Variants in ADGRG1 observed in about 807,000 individuals in gnomAD.
ADGRG1 encodes adhesion G protein-coupled receptor G1, also known as 7-transmembrane protein with no EGF-like N-terminal domains-1.
In ADGRG1, 53 loss-of-function variants were observed where a neutral mutation model predicts 73.5. The observed-to-expected ratio is 0.72, with a 90% CI of 0.58 to 0.91. The LOEUF (loss-of-function observed/expected upper bound fraction) is 0.91, where lower values mean the gene tolerates loss of function less well. ADGRG1 is among the 40% of genes least tolerant of loss of function. The probability of loss-of-function intolerance (pLI) is 0.00; values close to 1 mark genes in which losing one functional copy is unlikely to be tolerated. For synonymous variants in ADGRG1, 394 were observed against 374.4 expected (o/e 1.05, Z -0.60); for missense variants, 795 against 871.8 (o/e 0.91, Z 1.11).
intron 12 of ADGRG1, 148 bp downstream of exon 12, chr16:57,661,024 C>G (rs1332788150): frequency 4.2e-6 from 3 of 709,766 alleles, no homozygotes; most frequent in Non-Finnish European, 7.7e-6. Flanking sequence ...AAGCACTGGT[C>G]TAAGAGTCAT....
upstream of ADGRG1, chr16:57,627,699 A>G (rs956297443): frequency 1.4e-6 from 1 of 697,674 alleles, no homozygotes; most frequent in African/African-American, 2.0e-5. Flanking sequence ...CTCCCAGCAC[A>G]TCTGACTGAG....
intron 11 of ADGRG1, 106 bp downstream of exon 11, chr16:57,659,787 C>G: frequency 8.2e-7 from 1 of 1,219,086 alleles, no homozygotes; most frequent in East Asian, 2.4e-5. Context: ...GACTTCCCTC[C>G]TGGCCTCCTT....
intron 1 of ADGRG1, among the ~76,000 whole-genome samples, chr16:57,645,647 A>AC (rs1350258813): frequency 3.3e-5 from 5 of 152,150 alleles, no homozygotes. Context: ...GTGGTTCCCA[A>AC]GCCTGCAGTA....
At chr16:57,659,238 AG>A in intron 10 of ADGRG1, 174 bp from the exon 11 acceptor site, 1 of 984,702 alleles carries the variant, frequency 1.0e-6, no homozygotes, top group Non-Finnish European at 1.2e-6. Flanking sequence ...GTAGGTGCAC[AG>A]GGGGATGTGG....
At chr16:57,648,349 C>A in intron 1 of ADGRG1, 3 of 526,618 alleles carry the variant, frequency 5.7e-6, no homozygotes, top group Non-Finnish European at 7.3e-6. Flanking sequence ...CAAATCACAA[C>A]CTGGGAAATG....
intron 1 of ADGRG1, chr16:57,631,089 G>C: frequency 1.0e-6 from 1 of 975,954 alleles, no homozygotes; most frequent in Non-Finnish European, 1.2e-6. Context: ...AGGTTGGCCA[G>C]GCAGTCCCAG....
chr16:57,622,735 C>T, upstream of ADGRG1: 1 of 982,672 alleles, frequency 1.0e-6, no homozygotes, highest in Non-Finnish European at 1.2e-6. Flanking sequence ...GGAGGCTAGG[C>T]AAAAGGTCAG....
chr16:57,663,273 G>A (rs1438871363), intron 13 of ADGRG1, 179 bp from the exon 14 acceptor site: 19 of 959,772 alleles, frequency 2.0e-5, no homozygotes, highest in East Asian at 2.3e-4. Context: ...ACACGGGGAC[G>A]CAGCACAGTG....
intron 2 of ADGRG1, among the ~76,000 whole-genome samples, chr16:57,622,372 G>T (rs371965629): frequency 6.6e-6 from 1 of 152,278 alleles, no homozygotes; most frequent in Non-Finnish European, 1.5e-5. Flanking sequence ...CCCCCCAACC[G>T]CTGGGGCTCC....
chr16:57,646,165 C>G (rs1172768722), intron 1 of ADGRG1: 1 of 157,548 alleles, frequency 6.3e-6, no homozygotes, highest in African/African-American at 2.4e-5. Context: ...GTCCACTCAA[C>G]TTCCACCTCC....
At position 57,644,978 on chromosome 16, in the gene ADGRG1, A is replaced by AC. The variant is rs771847454; in HGVS notation, c.-35-5270dup. The AC allele has an allele frequency of 1.7e-3, 1,179 of 693,858 alleles. 3 individuals carry two copies. The highest frequency in any genetic ancestry group is 2.0e-3 in the Non-Finnish European group (1,140 of 568,286). The allele number at this position is 693,858 out of a possible 1,614,324, so 43.0% of individuals were successfully genotyped here. On this transcript the variant is annotated intron_variant, in intron 1 of 13. Coordinates refer to ENST00000562631, the MANE Select transcript of ADGRG1 (RefSeq NM_201525.4). ...ATCACACACTCATGCATGGGCACAC[A>AC]CCCCCATGCACACACACATGCACAC...
At chr16:57,644,870 ACACATGTACACT>A (rs1438090284) in intron 1 of ADGRG1, among the ~76,000 whole-genome samples, 1 of 147,534 alleles carries the variant, frequency 6.8e-6, no homozygotes, top group African/African-American at 2.5e-5. Context: ...CCATGCACAC[ACACATGTACACT>A]CATGCATGGG....
rs371085516 is a variant in ADGRG1 at position 57,644,276 on chromosome 16, ACT to A, written c.-35-5975_-35-5974del. 5.7e-5 allele frequency: 44 copies of A among 765,966 alleles called. No homozygotes were observed. The East Asian group carries it at 4.0e-3, about 69-fold the overall frequency. 47.4% of individuals were successfully genotyped at this position (765,966 alleles called of 1,614,324 possible). ...TGCACAGTCATGCACGGGCACACAC[ACT>A]CATCACACACTCATGCTCAGGCACA... On this transcript the variant is annotated intron_variant, in intron 1 of 13. Coordinates refer to ENST00000562631, the MANE Select transcript of ADGRG1 (RefSeq NM_201525.4).
chr16:57,628,436 G>A (rs188886924), upstream of ADGRG1: 77 of 826,776 alleles, frequency 9.3e-5, 1 homozygote, highest in East Asian at 4.8e-3. Context: ...CTTGCCCGGC[G>A]CTGAGTCATG....
chr16:57,636,055 C>A (rs1188893713), intron 1 of ADGRG1: 1 of 985,382 alleles, frequency 1.0e-6, no homozygotes, highest in Non-Finnish European at 1.2e-6. Flanking sequence ...GCCATAGGCA[C>A]GTGCCCTTTC....
chr16:57,654,422 G>GGGGTGTTTTTTT, intron 5 of ADGRG1, among the ~76,000 whole-genome samples: 1 of 115,102 alleles, frequency 8.7e-6, no homozygotes, highest in Non-Finnish European at 1.9e-5. Flanking sequence ...CCCCCCCCCC[G>GGGGTGTTTTTTT]TTTTTTTTTT....
rs1282833058 is a variant in ADGRG1 at position 57,651,519 on chromosome 16, C to T, written c.384C>T (p.Ser128=). 4 of 1,614,224 alleles carry T rather than the reference C, an allele frequency of 2.5e-6. No individual in the cohort carries two copies. Among genetic ancestry groups the T allele is most frequent in the African/African-American group, 1.3e-5 (1 of 75,068 alleles). The part of the protein sequence containing the change: ...SLLCFQHQEE[S]LAQGPPLLAT... ...TCTGCTTCCAGCACCAGGAGGAGAG[C>T]CTGGCTCAGGGCCCCCCGCTGTTAG... is the stretch of plus-strand genomic sequence containing the variant. The change falls in exon 3 of 14, where the codon AGC becomes AGT. Residue 128 remains serine (S), a synonymous_variant. Transcript: ENST00000562631.
chr16:57,659,782 C>T (rs1321703441), intron 11 of ADGRG1, 101 bp downstream of exon 11: 17 of 1,246,180 alleles, frequency 1.4e-5, no homozygotes, highest in Non-Finnish European at 1.7e-5. Context: ...TCTCTGACTT[C>T]CCTCCTGGCC....
chr16:57,661,992 C>G, intron 13 of ADGRG1, 27 bp downstream of exon 13: 1 of 1,572,260 alleles, frequency 6.4e-7, no homozygotes, highest in Non-Finnish European at 8.8e-7. Context: ...TCCCTTGGCC[C>G]AGGCAGGGTG....
Sources: allele counts gnomAD v4.1 joint callset (sites outside exome capture counted in the v4.1 genomes callset), GRCh38; gene constraint gnomAD v4.1.1; transcripts MANE v1.5; gene names NCBI Gene and HGNC (gene_info 2026-07-23, HGNC 2026-07-21).